TYW1: variants seen among roughly 807,000 people sequenced by gnomAD.
TYW1 encodes the protein tRNA-yW synthesizing protein 1 homolog, also known as S-adenosyl-L-methionine-dependent tRNA 4-demethylwyosine synthase TYW1.
TYW1 carries 46 observed loss-of-function variants against 96.2 expected under a neutral mutation model. That is an observed-to-expected ratio of 0.48 (90% CI 0.38 to 0.61). The LOEUF is 0.61. Among genes scored for constraint, TYW1 ranks in the 20% least tolerant of loss-of-function variants. The pLI is 0.00. For synonymous variants in TYW1, 274 were observed against 323.0 expected (o/e 0.85, Z 1.63); for missense variants, 684 against 909.6 (o/e 0.75, Z 3.19).
chr7:67,038,715 C>G (rs531062018), intron 7 of TYW1, among the ~76,000 whole-genome samples: 33 of 152,138 alleles, frequency 2.2e-4, no homozygotes, highest in African/African-American at 7.7e-4. Context: ...ACCAACCTGG[C>G]CAACATGGCG....
intron 15 of TYW1, among the ~76,000 whole-genome samples, chr7:67,203,047 T>C (rs1452164037): frequency 6.6e-6 from 1 of 152,232 alleles, no homozygotes; most frequent in East Asian, 1.9e-4. Flanking sequence ...GTTTTGTGTT[T>C]AGATTTATGT....
chr7:67,201,292 C>A (rs1425197168), intron 15 of TYW1, among the ~76,000 whole-genome samples: 1 of 127,230 alleles, frequency 7.9e-6, no homozygotes, highest in Non-Finnish European at 1.6e-5. Flanking sequence ...AGAGTGAGAC[C>A]CTCCTCCATT....
At chr7:67,046,593 G>T (rs1172438877) in intron 7 of TYW1, among the ~76,000 whole-genome samples, 1 of 152,178 alleles carries the variant, frequency 6.6e-6, no homozygotes, top group African/African-American at 2.4e-5. Context: ...GATCTTACAT[G>T]GTTGTTATAT....
chr7:67,182,737 CAACTTGGGTGATTATTACCTG>C (rs978527263), intron 13 of TYW1, among the ~76,000 whole-genome samples: 4 of 138,538 alleles, frequency 2.9e-5, no homozygotes, highest in Non-Finnish European at 6.3e-5. Flanking sequence ...TTGTCACTAA[CAACTTGGGTGATTATTACCTG>C]AAAGCCTAGA....
chr7:67,200,443 G>T (rs996616230), intron 15 of TYW1, among the ~76,000 whole-genome samples: 4 of 152,128 alleles, frequency 2.6e-5, no homozygotes, highest in African/African-American at 9.7e-5. Flanking sequence ...TGTTAGACGA[G>T]AGAAAAGAGG....
chr7:67,183,958 G>C (rs1016265142), intron 14 of TYW1, among the ~76,000 whole-genome samples: 7 of 152,054 alleles, frequency 4.6e-5, no homozygotes, highest in African/African-American at 1.7e-4. Flanking sequence ...CTCCTGAGTA[G>C]CTGGGACTAG....
intron 15 of TYW1, among the ~76,000 whole-genome samples, chr7:67,208,922 A>C (rs1172413762): frequency 6.6e-6 from 1 of 152,184 alleles, no homozygotes; most frequent in Non-Finnish European, 1.5e-5. Flanking sequence ...GCCACATGCG[A>C]ATCATTTCTT....
intron 5 of TYW1, among the ~76,000 whole-genome samples, chr7:67,016,711 C>T (rs1161947033): frequency 1.3e-5 from 2 of 152,102 alleles, no homozygotes; most frequent in African/African-American, 2.4e-5. Context: ...GCTGCAGCCT[C>T]GACCTCCCTG....
chr7:67,124,201 A>C (rs899831277), intron 13 of TYW1, among the ~76,000 whole-genome samples: 2 of 152,228 alleles, frequency 1.3e-5, no homozygotes, highest in Non-Finnish European at 2.9e-5. Flanking sequence ...ATATGTGTCT[A>C]TATTTCACTT....
At chr7:67,077,603 T>C (rs1796246059) in intron 10 of TYW1, among the ~76,000 whole-genome samples, 1 of 152,232 alleles carries the variant, frequency 6.6e-6, no homozygotes, top group South Asian at 2.1e-4. Context: ...GTTTTTTTGC[T>C]GTTGGGTTGT....
chr7:67,203,252 G>C (rs1175223542), intron 15 of TYW1, among the ~76,000 whole-genome samples: 2 of 152,088 alleles, frequency 1.3e-5, no homozygotes, highest in African/African-American at 4.8e-5. Context: ...GAGCCACTTC[G>C]GCTTTCTTTT....
intron 9 of TYW1, among the ~76,000 whole-genome samples, chr7:67,057,252 A>T (rs185664383): frequency 6.6e-6 from 1 of 151,972 alleles, no homozygotes; most frequent in East Asian, 1.9e-4. Context: ...TGACCTCGTG[A>T]TCTGCCCACC....
intron 9 of TYW1, among the ~76,000 whole-genome samples, chr7:67,060,585 G>A (rs1490985711): frequency 2.0e-5 from 3 of 152,162 alleles, no homozygotes; most frequent in Admixed American, 6.5e-5. Context: ...ATTTATCCAG[G>A]TACAGCTTGT....
At chr7:67,231,817 C>T (rs1389089479) in intron 15 of TYW1, among the ~76,000 whole-genome samples, 1 of 149,764 alleles carries the variant, frequency 6.7e-6, no homozygotes, top group Non-Finnish European at 1.5e-5. Flanking sequence ...TTAACATTTC[C>T]AGAATTATTT....
intron 13 of TYW1, among the ~76,000 whole-genome samples, chr7:67,124,082 C>T (rs936984497): frequency 6.6e-6 from 1 of 152,184 alleles, no homozygotes; most frequent in Non-Finnish European, 1.5e-5. Flanking sequence ...AAAAACTTTA[C>T]ATTTAGAACA....
rs1331065832 is a variant in TYW1, at chr7:67,077,783, G to A, written c.1275-5647G>A. On this transcript the variant is annotated intron_variant, in intron 10 of 15. Transcript: ENST00000359626. ...TTATTTGTTTTTACTTTTGTTGCCTGTAATTTCGAAGTTCTATTCATAAAA... is the reference window on the plus strand; with the variant it reads ...TTATTTGTTTTTACTTTTGTTGCCTATAATTTCGAAGTTCTATTCATAAAA... Among the ~76,000 whole-genome samples the A allele has an allele frequency of 2.0e-5, 3 of 152,132 alleles. No homozygotes were observed. The East Asian group carries it at 5.8e-4, about 29-fold the overall frequency.
At chr7:67,211,331 C>T (rs4612219) in intron 15 of TYW1, among the ~76,000 whole-genome samples, 40,465 of 151,606 alleles carry the variant, frequency 0.27, 5,780 homozygotes, top group African/African-American at 0.36. Flanking sequence ...GGAAACTGTA[C>T]GTATGCTGCC....
At chr7:67,072,934 G>GGTT (rs1317316140) in intron 10 of TYW1, among the ~76,000 whole-genome samples, 8 of 71,220 alleles carry the variant, frequency 1.1e-4, no homozygotes, top group African/African-American at 5.2e-4. Flanking sequence ...TGCCTATCCA[G>GGTT]TTTTTTTTTT....
chr7:67,080,541 G>A (rs1484749126), intron 10 of TYW1, among the ~76,000 whole-genome samples: 3 of 151,964 alleles, frequency 2.0e-5, no homozygotes, highest in Non-Finnish European at 2.9e-5. Context: ...GAGTAGCTGG[G>A]ATTGCCCACC....
Sources: gnomAD v4.1 joint callset for allele counts (sites outside exome capture counted in the v4.1 genomes callset) on GRCh38, gnomAD v4.1.1 for gene constraint, MANE v1.5 for transcripts, NCBI Gene and HGNC (gene_info 2026-07-23, HGNC 2026-07-21) for gene names.